Variants in HSD17B4 observed in about 807,000 individuals in gnomAD.
The protein encoded by HSD17B4 is peroxisomal multifunctional enzyme type 2.
HSD17B4 carries 70 observed loss-of-function variants against 101.0 expected under a neutral mutation model. That is an observed-to-expected ratio of 0.69 (90% CI 0.57 to 0.85). The LOEUF is 0.85. HSD17B4 is among the 40% of genes least tolerant of loss of function. The pLI is 0.00. For missense variants in HSD17B4, 984 were observed against 892.4 expected, an observed-to-expected ratio of 1.10 and a Z score of -1.31; for synonymous variants, 347 against 297.1, an observed-to-expected ratio of 1.17 and a Z score of -1.73.
At chr5:119,537,478 T>C (rs1050682532) in intron 23 of HSD17B4, among the ~76,000 whole-genome samples, 2 of 152,160 alleles carry the variant, frequency 1.3e-5, no homozygotes, top group Admixed American at 1.3e-4. Context: ...GAACCCTCTG[T>C]TAATTTCTTT....
intron 17 of HSD17B4, among the ~76,000 whole-genome samples, chr5:119,517,385 C>T (rs1752721120): frequency 6.6e-6 from 1 of 152,204 alleles, no homozygotes; most frequent in South Asian, 2.1e-4. Flanking sequence ...CCTGAGCCTC[C>T]CACCCCCTCC....
intron 12 of HSD17B4, among the ~76,000 whole-genome samples, chr5:119,498,044 C>T (rs1250164069): frequency 6.6e-6 from 1 of 152,074 alleles, no homozygotes; most frequent in African/African-American, 2.4e-5. Context: ...GTCAGAAATT[C>T]GAGAACAATT....
chr5:119,508,543 C>G (rs76058893), intron 15 of HSD17B4, among the ~76,000 whole-genome samples: 16,438 of 152,202 alleles, frequency 0.11, 1,085 homozygotes, highest in South Asian at 0.15. Context: ...AATAGAGGGA[C>G]AGCTGTCTTA....
chr5:119,516,810 A>C (rs1752650160), intron 17 of HSD17B4, among the ~76,000 whole-genome samples: 1 of 152,250 alleles, frequency 6.6e-6, no homozygotes, highest in African/African-American at 2.4e-5. Flanking sequence ...TGTCTGAGAT[A>C]ACTAGGGCAC....
chr5:119,478,731 CAT>C lies in HSD17B4; in HGVS notation c.435-101_435-100del, dbSNP rs1288555887. On this transcript the variant is annotated intron_variant, in intron 7 of 23. Coordinates refer to ENST00000510025, the MANE Select transcript of HSD17B4 (RefSeq NM_000414.4). ...ATCGTAAGAAGCTAATGACAGTACA[CAT>C]AGTTGCTTTTGATAGGTGCAGTAGT... 6.0e-6 allele frequency: 5 copies of C among 827,272 alleles called. No homozygotes were observed. In the African/African-American group the frequency reaches 6.7e-5, roughly 11 times the overall value. The allele number at this position is 827,272 out of a possible 1,614,324, so 51.2% of individuals were successfully genotyped here.
intron 15 of HSD17B4, 37 bp from the exon 16 acceptor site, chr5:119,509,104 G>A (rs1422692050): frequency 8.6e-7 from 1 of 1,167,086 alleles, no homozygotes; most frequent in Non-Finnish European, 1.3e-6. Flanking sequence ...CCTTTTGGTG[G>A]TAACTTCTTT....
chr5:119,514,921 G>T, intron 16 of HSD17B4, 60 bp from the exon 17 acceptor site: 1 of 947,110 alleles, frequency 1.1e-6, no homozygotes, highest in Non-Finnish European at 1.7e-6. Flanking sequence ...ATGTGAGTTT[G>T]GTTAAAGAGA....
chr5:119,460,719 T>G (rs1224572914), intron 2 of HSD17B4, among the ~76,000 whole-genome samples: 1 of 152,234 alleles, frequency 6.6e-6, no homozygotes, highest in East Asian at 1.9e-4. Context: ...CCTACTTTCA[T>G]GGTGCATATA....
At chr5:119,528,701 G>A (rs1415739899) in intron 20 of HSD17B4, among the ~76,000 whole-genome samples, 1 of 152,106 alleles carries the variant, frequency 6.6e-6, no homozygotes, top group Non-Finnish European at 1.5e-5. Context: ...GTGATGAATA[G>A]TATGTAAATA....
chr5:119,459,278 A>G (rs1754974760), intron 2 of HSD17B4, among the ~76,000 whole-genome samples: 1 of 152,214 alleles, frequency 6.6e-6, no homozygotes, highest in Non-Finnish European at 1.5e-5. Context: ...TAGCTGTCTT[A>G]GCTAACTTCC....
At chr5:119,482,305 A>G (rs895987621) in intron 8 of HSD17B4, among the ~76,000 whole-genome samples, 1 of 151,446 alleles carries the variant, frequency 6.6e-6, no homozygotes, top group Admixed American at 6.6e-5. Context: ...ATTTTCTTTT[A>G]ATTTTTTTTA....
rs565515030 is a variant in HSD17B4, at chr5:119,455,327, G to A, written c.59-988G>A. On this transcript the variant is annotated intron_variant, in intron 1 of 23. Coordinates refer to ENST00000510025, the MANE Select transcript of HSD17B4 (RefSeq NM_000414.4). The stretch of plus-strand genomic sequence containing the variant: ...AGGTCAAGAGATCGAGACCATCCTG[G>A]CCAACATGGTGAAACCCCATCTCTA... Among the ~76,000 whole-genome samples, 224 of 152,224 alleles carry A rather than the reference G, an allele frequency of 1.5e-3. 5 individuals are homozygous for A. In the South Asian group the frequency reaches 0.044, roughly 30 times the overall value.
chr5:119,469,114 A>G (rs1169318303), intron 2 of HSD17B4, among the ~76,000 whole-genome samples: 10 of 151,450 alleles, frequency 6.6e-5, no homozygotes, highest in East Asian at 1.9e-4. Flanking sequence ...TCTCATTTAG[A>G]TAATGAATTG....
intron 8 of HSD17B4, among the ~76,000 whole-genome samples, chr5:119,482,050 G>T (rs1749189624): frequency 6.6e-6 from 1 of 151,976 alleles, no homozygotes; most frequent in African/African-American, 2.4e-5. Flanking sequence ...TTTGGTGTCT[G>T]TCATTAATTT....
rs1218815519 is a variant in HSD17B4 at position 119,541,862 on chromosome 5, A to G, written c.2122-43A>G. ...AAAAAAAAAAAAGAAATAAACTATAACATGGTAACAGTTGGCACTCTTTTT... is the reference window on the plus strand; with the variant it reads ...AAAAAAAAAAAAGAAATAAACTATAGCATGGTAACAGTTGGCACTCTTTTT... On this transcript the variant is annotated intron_variant, in intron 23 of 23. Transcript: ENST00000510025. The G allele has an allele frequency of 8.8e-6, 10 of 1,140,184 alleles. No homozygotes were observed. In the Admixed American group the frequency reaches 1.5e-4, roughly 17 times the overall value. 70.6% of individuals were successfully genotyped at this position (1,140,184 alleles called of 1,614,324 possible).
At chr5:119,460,752 G>A (rs1423292638) in intron 2 of HSD17B4, among the ~76,000 whole-genome samples, 1 of 152,202 alleles carries the variant, frequency 6.6e-6, no homozygotes, top group Admixed American at 6.5e-5. Flanking sequence ...GTAGTGGAGG[G>A]ACAGATAATC....
chr5:119,524,018 A>G (rs1012484226), intron 17 of HSD17B4, among the ~76,000 whole-genome samples: 3 of 152,110 alleles, frequency 2.0e-5, no homozygotes, highest in African/African-American at 7.2e-5. Flanking sequence ...TGTATACATC[A>G]TGATATATAT....
chr5:119,485,324 G>C (rs1409256708), intron 8 of HSD17B4, among the ~76,000 whole-genome samples: 2 of 152,028 alleles, frequency 1.3e-5, no homozygotes, highest in African/African-American at 4.8e-5. Flanking sequence ...AACAGATCTG[G>C]ACCACTAAAG....
chr5:119,523,013 G>C (rs1753250548), intron 17 of HSD17B4, among the ~76,000 whole-genome samples: 1 of 150,578 alleles, frequency 6.6e-6, no homozygotes, highest in Non-Finnish European at 1.5e-5. Context: ...TCAAAAGTTA[G>C]CACTGATAGA....
Sources: gnomAD v4.1 joint callset for allele counts (sites outside exome capture counted in the v4.1 genomes callset) on GRCh38, gnomAD v4.1.1 for gene constraint, MANE v1.5 for transcripts, NCBI Gene and HGNC (gene_info 2026-07-23, HGNC 2026-07-21) for gene names.